Variants in CIITA observed in about 807,000 individuals in gnomAD.
CIITA encodes the protein MHC class II transactivator.
A neutral mutation model predicts 115.1 loss-of-function variants in CIITA; 72 were observed. The ratio of observed to expected loss-of-function variants is 0.63; its 90% CI spans 0.52 to 0.76. The LOEUF (loss-of-function observed/expected upper bound fraction) is 0.76. Among genes scored for constraint, CIITA ranks in the 30% least tolerant of loss-of-function variants. The pLI is 0.00. For missense variants in CIITA, 1,617 were observed against 1,463.8 expected, an observed-to-expected ratio of 1.10 and a Z score of -1.71; for synonymous variants, 763 against 635.6, an observed-to-expected ratio of 1.20 and a Z score of -3.02.
At position 10,933,013 on chromosome 16, in the gene CIITA, T is replaced by C. The variant is rs1217242516; in HGVS notation, c.*9158T>C. On this transcript the variant is annotated 3_prime_UTR_variant, in exon 20 of 20. Transcript: ENST00000324288. ...CGCACCACGGATTGAACAAGTTTCT[T>C]CTAAGGCATCAAGAGCCCCAGGCTG... is the stretch of plus-strand genomic sequence containing the variant. The C allele has an allele frequency of 6.6e-6, 1 of 152,210 alleles. No individual in the cohort carries two copies. Among genetic ancestry groups the C allele is most frequent in the African/African-American group, 2.4e-5 (1 of 41,408 alleles). 9.4% of individuals were successfully genotyped at this position (152,210 alleles called of 1,614,324 possible).
At chr16:10,906,397 G>T in intron 10 of CIITA, 102 bp from the exon 11 acceptor site, 1 of 1,337,904 alleles carries the variant, frequency 7.5e-7, no homozygotes, top group East Asian at 2.4e-5. Flanking sequence ...AAACTGTGTG[G>T]GGAACAGATG....
intron 10 of CIITA, among the ~76,000 whole-genome samples, chr16:10,906,134 G>C (rs4781017): frequency 0.65 from 98,877 of 152,142 alleles, 32,953 homozygotes; most frequent in East Asian, 0.84. Context: ...TTGAAGCTGT[G>C]GTGGACCATG....
At position 10,922,475 on chromosome 16, in the gene CIITA, A is replaced by G. The variant is rs781677699; in HGVS notation, c.3302A>G (p.His1101Arg). ...GCTGCCAGCCTTCGGAGGTGTCCTCATGTGGAGACGCTGGCGTAAGTCCAG... is the reference window on the plus strand; with the variant it reads ...GCTGCCAGCCTTCGGAGGTGTCCTCGTGTGGAGACGCTGGCGTAAGTCCAG... ...QLAASLRRCP[H>R]VETLAMWTPT... The change falls in exon 18 of 20, where the codon CAT (histidine) becomes CGT (arginine). Residue 1101 changes from histidine to arginine, a missense_variant. Coordinates refer to ENST00000324288, the MANE Select transcript of CIITA (RefSeq NM_000246.4). The G allele has an allele frequency of 1.2e-6, 2 of 1,614,038 alleles. No homozygotes were observed. The highest frequency in any genetic ancestry group is 1.7e-6 in the Non-Finnish European group (2 of 1,179,914).
chr16:10,942,547 G>A lies in CIITA; in HGVS notation n.1673G>A, dbSNP rs190973738. 1 of 152,426 alleles carries A rather than the reference G, an allele frequency of 6.6e-6. No homozygotes were observed. Among genetic ancestry groups the A allele is most frequent in the Non-Finnish European group, 1.5e-5 (1 of 68,084 alleles). 9.4% of individuals were successfully genotyped at this position (152,426 alleles called of 1,614,324 possible). A position where few individuals can be genotyped will look rare whatever the true frequency, so the allele number is the denominator to read the frequency against. ...GCGCTAATTGGCCGGCTCAACGCCC[G>A]CGCTGATTGGCTCCGGCCGCCAGGG... On this transcript the variant is annotated non_coding_transcript_exon_variant, in exon 2 of 2. Transcript: ENST00000573379. This position sits in a 1 kb window ranked among gnomAD's most constrained non-coding sequence, Gnocchi z 5.0.
Position 10,903,760 on chromosome 16 carries a change from C to A in CIITA, c.802C>A (p.Pro268Thr), listed in dbSNP as rs748582963. 4 of 1,614,026 alleles carry A rather than the reference C, an allele frequency of 2.5e-6. 1 individual carries two copies. The highest frequency in any genetic ancestry group is 2.2e-5 in the South Asian group (2 of 91,094). Residue 268 changes from proline to threonine, a missense_variant, in exon 9 of 20, where the codon CCT (proline) becomes ACT (threonine). By Grantham distance (38) the Pro-to-Thr change is conservative (BLOSUM62 -1). Transcript: ENST00000324288. The part of the protein sequence containing the change: ...GEVPQASQVP[P>T]PSGFTVHGLP... The stretch of plus-strand genomic sequence containing the variant: ...GGTGCCCCAGGCCAGCCAAGTACCC[C>A]CTCCCAGTGGATTCACTGTCCACGG...
rs938910615 is a variant in CIITA at position 10,935,584 on chromosome 16, T to A, written c.*11729T>A. On this transcript the variant is annotated 3_prime_UTR_variant, in exon 20 of 20. Coordinates refer to ENST00000324288, the MANE Select transcript of CIITA (RefSeq NM_000246.4). Reference sequence around the variant, plus strand: ...AAAACTAGTGCATTTCATCTTAAACTGCAAATTATAAAGGGAATAATAGTA... The same window carrying A: ...AAAACTAGTGCATTTCATCTTAAACAGCAAATTATAAAGGGAATAATAGTA... 8 of 152,348 alleles carry A rather than the reference T, an allele frequency of 5.3e-5. No individual in the cohort carries two copies. The highest frequency in any genetic ancestry group is 5.2e-4 in the Admixed American group (8 of 15,298). 9.4% of individuals were successfully genotyped at this position (152,348 alleles called of 1,614,324 possible).
intron 14 of CIITA, 61 bp downstream of exon 14, chr16:10,915,711 C>G: frequency 7.1e-7 from 1 of 1,412,814 alleles, no homozygotes; most frequent in South Asian, 1.2e-5. Context: ...GTGATCATAG[C>G]TCACTGCAGC....
In CIITA at chr16:10,907,786, C is replaced by G. The variant is rs892019941; in HGVS notation, c.2294C>G (p.Pro765Arg). 6.2e-7 allele frequency: 1 copy of G among 1,614,074 alleles called. No homozygotes were observed. The highest frequency in any genetic ancestry group is 8.5e-7 in the Non-Finnish European group (1 of 1,180,020). The stretch of plus-strand genomic sequence containing the variant: ...TTTCTGGCTGGGCTGATCTTCCAGC[C>G]TCCCGCCCGCTGCCTGGGAGCCCTA... ...PRFLAGLIFQ[P>R]PARCLGALLG... The change falls in exon 11 of 20, where the codon CCT becomes CGT. Residue 765 changes from proline (P) to arginine (R), a missense_variant. Pro to Arg is a moderately radical substitution (Grantham distance 103). Coordinates refer to ENST00000324288, the MANE Select transcript of CIITA (RefSeq NM_000246.4). This position sits in a 1 kb window ranked among gnomAD's most constrained non-coding sequence, Gnocchi z 5.0.
At chr16:10,870,659 C>A (rs760260421) in intron 1 of CIITA, among the ~76,000 whole-genome samples, 20 of 152,226 alleles carry the variant, frequency 1.3e-4, no homozygotes, top group Non-Finnish European at 1.9e-4. Context: ...CTGCTCCTTA[C>A]GTACCATGTG....
Position 10,932,921 on chromosome 16 carries a change from A to G in CIITA, c.*9066A>G, listed in dbSNP as rs1320317212. Reference sequence around the variant, plus strand: ...CCAGGCTAAAATCTCATAACGTTTTAAGAAAGTTTATGAATCTGTGTTGGG... The same window carrying G: ...CCAGGCTAAAATCTCATAACGTTTTGAGAAAGTTTATGAATCTGTGTTGGG... On this transcript the variant is annotated 3_prime_UTR_variant, in exon 20 of 20. Coordinates refer to ENST00000324288, the MANE Select transcript of CIITA (RefSeq NM_000246.4). 1 of 152,104 alleles carries G rather than the reference A, an allele frequency of 6.6e-6. No individual in the cohort carries two copies. Among genetic ancestry groups the G allele is most frequent in the African/African-American group, 2.4e-5 (1 of 41,402 alleles). 9.4% of individuals were successfully genotyped at this position (152,104 alleles called of 1,614,324 possible).
In CIITA at chr16:10,906,674, A is replaced by C. The variant is rs750658139; in HGVS notation, c.1182A>C (p.Gln394His). Residue 394 changes from glutamine (Q) to histidine (H), a missense_variant, in exon 11 of 20, where the codon CAA becomes CAC. By Grantham distance (24) the Gln-to-His change is conservative. Transcript: ENST00000324288. ...TPDWAERQLA[Q>H]GGLAEVLLAA... is the part of the protein sequence containing the mutation. ...ACTGGGCAGAACGGCAGCTGGCCCA[A>C]GGAGGCCTGGCTGAGGTGCTGTTGG... The C allele has an allele frequency of 1.9e-6, 3 of 1,613,244 alleles. No individual in the cohort carries two copies. The African/African-American group carries it at 4.0e-5, about 22-fold the overall frequency.
chr16:10,885,552 G>T (rs764677976), intron 1 of CIITA, among the ~76,000 whole-genome samples: 1 of 152,154 alleles, frequency 6.6e-6, no homozygotes, highest in Non-Finnish European at 1.5e-5. Context: ...TTTCTCTTAA[G>T]TCCTCTCTCT....
intron 1 of CIITA, among the ~76,000 whole-genome samples, chr16:10,884,118 C>T (rs964264611): frequency 1.5e-5 from 2 of 135,886 alleles, no homozygotes; most frequent in African/African-American, 5.3e-5. Flanking sequence ...ATCACACAGA[C>T]TCATTTCACT....
At chr16:10,875,247 C>T (rs1346971606), upstream of CIITA, among the ~76,000 whole-genome samples, 1 of 152,240 alleles carries the variant, frequency 6.6e-6, no homozygotes, top group Non-Finnish European at 1.5e-5. Flanking sequence ...GCATGAGCCA[C>T]TGTGCCTGGT....
At chr16:10,877,538 G>C (rs893971699) in intron 1 of CIITA, among the ~76,000 whole-genome samples, 156 bp downstream of exon 1, 1 of 152,242 alleles carries the variant, frequency 6.6e-6, no homozygotes. Flanking sequence ...AGATGTGAAA[G>C]AGTTGTCTAT....
chr16:10,909,041 C>A lies in CIITA; in HGVS notation c.2670C>A (p.Ser890Arg). The stretch of plus-strand genomic sequence containing the variant: ...CCTCCCTCCACAGGGCTGCCTTGAG[C>A]GACACGGTGGCGCTGTGGGAGTCCC... ...SCVTRFRAAL[S>R]DTVALWESLQ... The change falls in exon 12 of 20, where the codon AGC becomes AGA. Residue 890 changes from serine (S) to arginine (R), a missense_variant. Transcript: ENST00000324288. The A allele has an allele frequency of 6.2e-7, 1 of 1,614,130 alleles. No individual in the cohort carries two copies. The highest frequency in any genetic ancestry group is 8.5e-7 in the Non-Finnish European group (1 of 1,179,996).
At chr16:10,887,738 G>A (rs996607309) in intron 1 of CIITA, among the ~76,000 whole-genome samples, 5 of 152,040 alleles carry the variant, frequency 3.3e-5, no homozygotes, top group African/African-American at 4.8e-5. Context: ...CAAGTAATCC[G>A]CCAGCCTCGG....
rs2038871532 is a variant in CIITA at position 10,902,738 on chromosome 16, C to G, written c.709C>G (p.Pro237Ala). 9 of 1,614,108 alleles carry G rather than the reference C, an allele frequency of 5.6e-6. No individual in the cohort carries two copies. Among genetic ancestry groups the G allele is most frequent in the Middle Eastern group, 1.6e-4 (1 of 6,084 alleles). Residue 237 changes from proline to alanine, a missense_variant, in exon 8 of 20, where the codon CCC becomes GCC. By Grantham distance (27) the Pro-to-Ala change is conservative. Transcript: ENST00000324288. The part of the protein sequence containing the change: ...IQFVPTISTL[P>A]HGLWQISEAG... ...GTTTGTCCCCACCATCTCCACTCTG[C>G]CCCATGGGCTCTGGCAAATCTCTGA...
chr16:10,869,800 CGCCTG>C (rs1382559165), intron 1 of CIITA, among the ~76,000 whole-genome samples: 1 of 152,124 alleles, frequency 6.6e-6, no homozygotes, highest in African/African-American at 2.4e-5. Flanking sequence ...TGAGCCACTG[CGCCTG>C]GCTCCCCACC....
Sources: gnomAD v4.1 joint callset for allele counts (sites outside exome capture counted in the v4.1 genomes callset) on GRCh38, gnomAD v4.1.1 for gene constraint, Gnocchi (gnomAD v3.1) non-coding constraint, MANE v1.5 for transcripts, NCBI Gene and HGNC (gene_info 2026-07-23, HGNC 2026-07-21) for gene names.